OPCML: variants seen among roughly 807,000 people sequenced by gnomAD.
OPCML encodes opioid-binding protein/cell adhesion molecule.
OPCML carries 13 observed loss-of-function variants against 37.8 expected under a neutral mutation model. The ratio of observed to expected loss-of-function variants is 0.34; its 90% confidence interval spans 0.22 to 0.55. The LOEUF is 0.55. Among genes scored for constraint, OPCML ranks in the 20% least tolerant of loss-of-function variants. The pLI is 0.91. For missense variants in OPCML, 341 were observed against 435.6 expected, an observed-to-expected ratio of 0.78 and a Z score of 1.93; for synonymous variants, 176 against 168.8, an observed-to-expected ratio of 1.04 and a Z score of -0.33.
intron 1 of OPCML, among the ~76,000 whole-genome samples, chr11:133,039,297 C>T (rs1356237684): frequency 6.6e-6 from 1 of 152,162 alleles, no homozygotes; most frequent in Non-Finnish European, 1.5e-5. Flanking sequence ...TGTCTCAGGA[C>T]CCCTGTGCTC....
intron 3 of OPCML, among the ~76,000 whole-genome samples, chr11:132,617,807 C>A (rs889839200): frequency 6.6e-6 from 1 of 152,232 alleles, no homozygotes; most frequent in African/African-American, 2.4e-5. Flanking sequence ...TTCCTCTTCT[C>A]ATAAGGACAC....
intron 2 of OPCML, among the ~76,000 whole-genome samples, chr11:132,801,019 G>A (rs1938618499): frequency 1.3e-5 from 2 of 152,116 alleles, no homozygotes; most frequent in South Asian, 2.1e-4. Context: ...AGCCACCGGG[G>A]CATGGGCTTT....
At chr11:132,466,084 T>C (rs2096118578) in intron 4 of OPCML, among the ~76,000 whole-genome samples, 1 of 152,156 alleles carries the variant, frequency 6.6e-6, no homozygotes, top group South Asian at 2.1e-4. Context: ...CTCCCCTTCC[T>C]ACCAGGGCCA....
chr11:133,422,632 T>C lies in OPCML; in HGVS notation c.61+109632A>G, dbSNP rs950174924. 10 of 972,950 alleles carry C rather than the reference T, an allele frequency of 1.0e-5. No individual in the cohort carries two copies. The African/African-American group carries it at 1.2e-4, about 12-fold the overall frequency. 60.3% of individuals were successfully genotyped at this position (972,950 alleles called of 1,614,324 possible). On this transcript the variant is annotated intron_variant, in intron 1 of 7. Transcript: ENST00000524381. ...GCAGCCTCCCGAGTAGTTGAGATTATGGGTGTGAACCACTGAGCCCGGCCA... is the reference window on the plus strand; with the variant it reads ...GCAGCCTCCCGAGTAGTTGAGATTACGGGTGTGAACCACTGAGCCCGGCCA...
chr11:133,082,316 G>T (rs2137033362), intron 1 of OPCML, among the ~76,000 whole-genome samples: 1 of 151,424 alleles, frequency 6.6e-6, no homozygotes, highest in Non-Finnish European at 1.5e-5. Flanking sequence ...CCACCCGGCT[G>T]GGGCAAAGGG....
intron 3 of OPCML, among the ~76,000 whole-genome samples, chr11:132,584,285 T>C (rs960988114): frequency 3.9e-5 from 6 of 152,136 alleles, no homozygotes; most frequent in Non-Finnish European, 7.4e-5. Flanking sequence ...CAATTGATGC[T>C]ACTTAAATTT....
intron 4 of OPCML, among the ~76,000 whole-genome samples, chr11:132,485,346 G>C (rs899027091): frequency 6.6e-6 from 1 of 152,114 alleles, no homozygotes; most frequent in Non-Finnish European, 1.5e-5. Flanking sequence ...TCCAATTCAC[G>C]GTTCTTTGTG....
At chr11:132,460,776 T>G (rs1277328799) in intron 4 of OPCML, among the ~76,000 whole-genome samples, 1 of 152,180 alleles carries the variant, frequency 6.6e-6, no homozygotes, top group Non-Finnish European at 1.5e-5. Context: ...AAAATAAGTT[T>G]ACAAAATATC....
chr11:132,753,002 TG>T (rs1377782692), intron 2 of OPCML, among the ~76,000 whole-genome samples: 1 of 152,090 alleles, frequency 6.6e-6, no homozygotes, highest in Non-Finnish European at 1.5e-5. Context: ...AATCTTGATT[TG>T]TTTTTTTTGG....
intron 1 of OPCML, among the ~76,000 whole-genome samples, chr11:132,965,007 TTA>T (rs1349299257): frequency 6.6e-6 from 1 of 152,224 alleles, no homozygotes; most frequent in Non-Finnish European, 1.5e-5. Flanking sequence ...GATGTTATTC[TTA>T]TGTGTCTAAT....
intron 4 of OPCML, among the ~76,000 whole-genome samples, chr11:132,502,281 C>T (rs1028942960): frequency 6.6e-6 from 1 of 151,958 alleles, no homozygotes; most frequent in African/African-American, 2.4e-5. Context: ...TGGTCCTTTC[C>T]TTCCCTTCCA....
intron 1 of OPCML, among the ~76,000 whole-genome samples, chr11:133,516,655 T>G (rs1948279357): frequency 6.6e-6 from 1 of 152,128 alleles, no homozygotes; most frequent in African/African-American, 2.4e-5. Flanking sequence ...AAGGCCTCAG[T>G]GTCCCCAGGG....
chr11:133,356,288 GT>G (rs1270724045), intron 1 of OPCML, among the ~76,000 whole-genome samples: 1 of 152,198 alleles, frequency 6.6e-6, no homozygotes, highest in Non-Finnish European at 1.5e-5. Context: ...GGTGAAGGAT[GT>G]TTTCTATTTT....
chr11:132,718,975 G>A (rs1488616814), intron 2 of OPCML, among the ~76,000 whole-genome samples: 1 of 152,180 alleles, frequency 6.6e-6, no homozygotes, highest in Non-Finnish European at 1.5e-5. Context: ...ATGGCTTTAC[G>A]GTCAATCGTG....
chr11:133,235,503 T>A (rs1044615990), intron 1 of OPCML, among the ~76,000 whole-genome samples: 4 of 152,144 alleles, frequency 2.6e-5, no homozygotes, highest in African/African-American at 9.7e-5. Context: ...GAATCAAACA[T>A]ATTCAACTCA....
At chr11:132,847,920 T>C (rs1941625094) in intron 2 of OPCML, among the ~76,000 whole-genome samples, 1 of 152,174 alleles carries the variant, frequency 6.6e-6, no homozygotes, top group South Asian at 2.1e-4. Flanking sequence ...GAGAGTTCTG[T>C]AGAAGTCCGG....
chr11:133,009,945 G>A (rs937714797), intron 1 of OPCML, among the ~76,000 whole-genome samples: 1 of 152,224 alleles, frequency 6.6e-6, no homozygotes, highest in African/African-American at 2.4e-5. Flanking sequence ...ATTCAGAGGA[G>A]AATGCCCAGA....
chr11:132,968,636 C>T (rs1158100472), intron 1 of OPCML, among the ~76,000 whole-genome samples: 5 of 152,136 alleles, frequency 3.3e-5, no homozygotes. Context: ...TCAATCCTGC[C>T]ACATTGGCGA....
At chr11:132,948,859 T>G (rs955178381) in intron 1 of OPCML, among the ~76,000 whole-genome samples, 1 of 152,222 alleles carries the variant, frequency 6.6e-6, no homozygotes, top group Non-Finnish European at 1.5e-5. Context: ...ATGCCCTATG[T>G]ACAAACTAGA....
Sources: gnomAD v4.1 joint callset for allele counts (sites outside exome capture counted in the v4.1 genomes callset) on GRCh38, gnomAD v4.1.1 for gene constraint, MANE v1.5 for transcripts, NCBI Gene and HGNC (gene_info 2026-07-23, HGNC 2026-07-21) for gene names.